CCSER2: variants seen among roughly 807,000 people sequenced by gnomAD.
CCSER2 encodes the protein coiled-coil serine rich protein 2.
Under a neutral mutation model 92.3 loss-of-function variants are expected in CCSER2, and 46 were observed. The ratio of observed to expected loss-of-function variants is 0.50; its 90% CI spans 0.39 to 0.64. CCSER2 has a LOEUF of 0.64. CCSER2 is among the 30% of genes least tolerant of loss of function. CCSER2 has a pLI of 0.00. For missense variants in CCSER2, 1,244 were observed against 1,238.9 expected (o/e 1.00, Z -0.06); for synonymous variants, 433 against 431.4 (o/e 1.00, Z -0.04).
intron 3 of CCSER2, among the ~76,000 whole-genome samples, chr10:84,404,143 C>T (rs947087171): frequency 6.6e-6 from 1 of 152,198 alleles, no homozygotes; most frequent in African/African-American, 2.4e-5. Context: ...CATCCTGTGG[C>T]ACACAAGGAG....
chr10:84,494,918 G>A (rs1848363427), intron 9 of CCSER2, among the ~76,000 whole-genome samples: 1 of 151,436 alleles, frequency 6.6e-6, no homozygotes, highest in South Asian at 2.1e-4. Flanking sequence ...GTGAAAATGA[G>A]TTTATTAGAG....
At chr10:84,353,304 G>A (rs748985211) in intron 1 of CCSER2, among the ~76,000 whole-genome samples, 3 of 151,982 alleles carry the variant, frequency 2.0e-5, no homozygotes, top group Non-Finnish European at 4.4e-5. Context: ...GGGTGTTCCT[G>A]TCTCTTGAGA....
chr10:84,350,294 A>G (rs1844789094), intron 1 of CCSER2, among the ~76,000 whole-genome samples: 1 of 152,216 alleles, frequency 6.6e-6, no homozygotes, highest in Admixed American at 6.5e-5. Context: ...TCCCTCTGAG[A>G]GGCCTTACTT....
chr10:84,453,510 A>G (rs2133597271), intron 6 of CCSER2, among the ~76,000 whole-genome samples: 1 of 152,340 alleles, frequency 6.6e-6, no homozygotes, highest in South Asian at 2.1e-4. Context: ...TCTCGCCAAC[A>G]GCGTGGTCAG....
chr10:84,456,503 C>T (rs531501607), intron 6 of CCSER2, among the ~76,000 whole-genome samples: 2 of 152,164 alleles, frequency 1.3e-5, no homozygotes, highest in South Asian at 4.2e-4. Context: ...ATTTATGTTG[C>T]TTTCTACTTT....
intron 1 of CCSER2, among the ~76,000 whole-genome samples, chr10:84,349,644 T>C (rs1246183119): frequency 6.6e-6 from 1 of 152,162 alleles, no homozygotes; most frequent in Non-Finnish European, 1.5e-5. Context: ...ATCACCCCAC[T>C]GTACTCCAGA....
intron 4 of CCSER2, among the ~76,000 whole-genome samples, chr10:84,423,433 A>G (rs1002078857): frequency 6.6e-6 from 1 of 152,176 alleles, no homozygotes; most frequent in Non-Finnish European, 1.5e-5. Context: ...AGATTCCTCA[A>G]TTTGGAGTCT....
intron 1 of CCSER2, among the ~76,000 whole-genome samples, chr10:84,361,621 T>A (rs1249651762): frequency 6.6e-6 from 1 of 152,184 alleles, no homozygotes; most frequent in Non-Finnish European, 1.5e-5. Context: ...TATTCTATTA[T>A]GTAGAAACTA....
chr10:84,420,786 A>T (rs1241678046), intron 4 of CCSER2, among the ~76,000 whole-genome samples: 1 of 152,052 alleles, frequency 6.6e-6, no homozygotes, highest in East Asian at 1.9e-4. Context: ...ACAAAAAATT[A>T]GCCGGGCGTG....
intron 3 of CCSER2, among the ~76,000 whole-genome samples, chr10:84,376,139 G>T (rs1284649489): frequency 6.6e-6 from 1 of 152,074 alleles, no homozygotes; most frequent in African/African-American, 2.4e-5. Context: ...TCCTAATCAT[G>T]TCAAGGATCC....
intron 2 of CCSER2, among the ~76,000 whole-genome samples, chr10:84,373,284 C>A (rs1470197514): frequency 6.6e-6 from 1 of 151,986 alleles, no homozygotes; most frequent in Non-Finnish European, 1.5e-5. Context: ...ATAGTGTACA[C>A]AGAGGAAAAG....
chr10:84,334,056 C>T (rs958800630), intron 1 of CCSER2, among the ~76,000 whole-genome samples: 3 of 152,012 alleles, frequency 2.0e-5, no homozygotes, highest in African/African-American at 7.3e-5. Flanking sequence ...AAGAGTAGCT[C>T]TAGAATGTGA....
Position 84,450,449 on chromosome 10 carries a change from A to G in CCSER2, c.2064+11742A>G, listed in dbSNP as rs563650887. Among the ~76,000 whole-genome samples, 4 of 152,318 alleles carry G rather than the reference A, an allele frequency of 2.6e-5. 1 individual carries two copies. In the South Asian group the frequency reaches 8.3e-4, roughly 32 times the overall value. ...TGCATACACATGTAAATGCATACCT[A>G]TTCATGTATATATGTACTTGGTTGT... is the stretch of plus-strand genomic sequence containing the variant. On this transcript the variant is annotated intron_variant, in intron 6 of 9. Coordinates refer to ENST00000372088, the MANE Select transcript of CCSER2 (RefSeq NM_001284240.2).
chr10:84,382,489 T>C (rs1320097934), intron 3 of CCSER2, among the ~76,000 whole-genome samples: 3 of 152,214 alleles, frequency 2.0e-5, no homozygotes, highest in Non-Finnish European at 4.4e-5. Context: ...ATTATAATCA[T>C]TGTATGTGCA....
At chr10:84,339,882 C>T (rs931559312) in intron 1 of CCSER2, among the ~76,000 whole-genome samples, 1 of 152,090 alleles carries the variant, frequency 6.6e-6, no homozygotes, top group African/African-American at 2.4e-5. Flanking sequence ...ACTCTTGTCG[C>T]CCAGTCTGGA....
intron 3 of CCSER2, among the ~76,000 whole-genome samples, chr10:84,398,059 C>G (rs1841935227): frequency 6.6e-6 from 1 of 152,322 alleles, no homozygotes; most frequent in East Asian, 1.9e-4. Flanking sequence ...ACTATCCTCT[C>G]TAGCTTACAA....
intron 3 of CCSER2, among the ~76,000 whole-genome samples, chr10:84,395,982 T>C (rs1019825542): frequency 6.6e-6 from 1 of 152,142 alleles, no homozygotes; most frequent in Non-Finnish European, 1.5e-5. Flanking sequence ...GACAATTATA[T>C]GTATACACAC....
At chr10:84,428,907 A>ATGT (rs1196627343) in intron 5 of CCSER2, among the ~76,000 whole-genome samples, 3 of 149,946 alleles carry the variant, frequency 2.0e-5, no homozygotes, top group Middle Eastern at 3.5e-3. Context: ...ATACTTTGGT[A>ATGT]TGTTGCGTGT....
At chr10:84,332,432 ATATATTT>A (rs1217254280) in intron 1 of CCSER2, among the ~76,000 whole-genome samples, 1 of 73,322 alleles carries the variant, frequency 1.4e-5, no homozygotes, top group Non-Finnish European at 2.3e-5. Context: ...ATATATATAT[ATATATTT>A]TTTTTTTTTT....
Sources: allele counts gnomAD v4.1 joint callset (sites outside exome capture counted in the v4.1 genomes callset), GRCh38; gene constraint gnomAD v4.1.1; transcripts MANE v1.5; gene names NCBI Gene and HGNC (gene_info 2026-07-23, HGNC 2026-07-21).